CTNNA3: variants seen among roughly 807,000 people sequenced by gnomAD.
CTNNA3 encodes catenin alpha 3, also known as catenin alpha-3.
CTNNA3 carries 76 observed loss-of-function variants against 95.7 expected under a neutral mutation model. The ratio of observed to expected loss-of-function variants is 0.79; its 90% CI spans 0.66 to 0.96. The LOEUF is 0.96. Among genes scored for constraint, CTNNA3 ranks in the 40% least tolerant of loss-of-function variants. The pLI is 0.00. For missense variants in CTNNA3, 1,191 were observed against 1,089.8 expected (o/e 1.09, Z -1.31); for synonymous variants, 431 against 374.4 (o/e 1.15, Z -1.74).
chr10:66,434,855 G>C (rs1378285061), intron 11 of CTNNA3, among the ~76,000 whole-genome samples: 1 of 152,086 alleles, frequency 6.6e-6, no homozygotes, highest in Non-Finnish European at 1.5e-5. Context: ...TTAGCATGAA[G>C]GGGTGTTGAA....
chr10:66,889,594 G>A (rs10822936), intron 7 of CTNNA3, among the ~76,000 whole-genome samples: 46,736 of 152,046 alleles, frequency 0.31, 8,678 homozygotes, highest in East Asian at 0.5. Context: ...GATTGTATGT[G>A]TAGGGTAGCA....
intron 11 of CTNNA3, among the ~76,000 whole-genome samples, chr10:66,439,983 A>G (rs10400123): frequency 6.6e-6 from 1 of 151,960 alleles, no homozygotes; most frequent in African/African-American, 2.4e-5. Context: ...ATGAATGTGT[A>G]ATTGAATATC....
chr10:66,942,543 A>G lies in CTNNA3; in HGVS notation c.1048-167019T>C, dbSNP rs546108126. Among the ~76,000 whole-genome samples the G allele has an allele frequency of 7.9e-3, 1,125 of 142,578 alleles. 19 individuals carry two copies. Among genetic ancestry groups the G allele is most frequent in the African/African-American group, 0.03 (1,074 of 36,368 alleles). The allele number at this position is 142,578 out of a possible 152,430, so 93.5% of individuals were successfully genotyped here. A position where few individuals can be genotyped will look rare whatever the true frequency, so the allele number is the denominator to read the frequency against. On this transcript the variant is annotated intron_variant, in intron 7 of 17. Coordinates refer to ENST00000433211, the MANE Select transcript of CTNNA3 (RefSeq NM_013266.4). ...ACAAATCTCTCTTTAAAACATTGCCATAATGTCTCTCTCTCTCTCTCTCTC... is the reference window on the plus strand; with the variant it reads ...ACAAATCTCTCTTTAAAACATTGCCGTAATGTCTCTCTCTCTCTCTCTCTC...
chr10:67,406,785 G>C (rs1173553153), intron 5 of CTNNA3, among the ~76,000 whole-genome samples: 1 of 152,030 alleles, frequency 6.6e-6, no homozygotes, highest in African/African-American at 2.4e-5. Context: ...AGAATGTTAT[G>C]AACACCTCTA....
chr10:67,484,921 G>T (rs1848386037), intron 5 of CTNNA3, among the ~76,000 whole-genome samples: 1 of 152,178 alleles, frequency 6.6e-6, no homozygotes, highest in Admixed American at 6.5e-5. Flanking sequence ...ATTTCTGAAA[G>T]AACTTAAAAC....
chr10:66,154,417 A>G (rs887820539), intron 13 of CTNNA3, among the ~76,000 whole-genome samples: 7 of 151,700 alleles, frequency 4.6e-5, no homozygotes, highest in African/African-American at 1.5e-4. Context: ...TTACTTATAT[A>G]GCACATTCAC....
chr10:66,560,275 C>T (rs1223398419), intron 10 of CTNNA3, among the ~76,000 whole-genome samples: 4 of 150,614 alleles, frequency 2.7e-5, no homozygotes, highest in African/African-American at 7.5e-5. Context: ...GAAACGTGAG[C>T]GAATTTTATA....
intron 7 of CTNNA3, chr10:67,099,020 G>C (rs903906232): frequency 6.6e-6 from 1 of 151,768 alleles, no homozygotes; most frequent in South Asian, 2.1e-4. Flanking sequence ...ATATAGATAT[G>C]AGCCATGGTG....
chr10:66,757,803 G>A (rs1430531112), intron 9 of CTNNA3, among the ~76,000 whole-genome samples: 1 of 152,004 alleles, frequency 6.6e-6, no homozygotes. Flanking sequence ...TTTAATCTCT[G>A]GCATTGATAG....
intron 12 of CTNNA3, among the ~76,000 whole-genome samples, chr10:66,297,328 G>C (rs2091795581): frequency 1.3e-5 from 2 of 152,144 alleles, no homozygotes; most frequent in South Asian, 4.1e-4. Flanking sequence ...TAAATGCTGA[G>C]ACAGAATAAT....
chr10:67,607,976 T>A (rs1451727105), intron 2 of CTNNA3, among the ~76,000 whole-genome samples: 1 of 152,214 alleles, frequency 6.6e-6, no homozygotes, highest in Non-Finnish European at 1.5e-5. Context: ...TAAACAAATT[T>A]AAAAATGTAA....
chr10:66,663,735 G>C (rs1312220081), intron 9 of CTNNA3, among the ~76,000 whole-genome samples: 1 of 152,118 alleles, frequency 6.6e-6, no homozygotes, highest in Non-Finnish European at 1.5e-5. Flanking sequence ...TCAGAGTTCA[G>C]TTCTGTACAC....
intron 10 of CTNNA3, among the ~76,000 whole-genome samples, chr10:66,558,660 C>T (rs1241830639): frequency 6.6e-6 from 1 of 151,958 alleles, no homozygotes; most frequent in African/African-American, 2.4e-5. Context: ...TGATTTGTGT[C>T]TATTTCATTA....
chr10:67,515,797 C>A (rs1295214127), intron 5 of CTNNA3, among the ~76,000 whole-genome samples: 1 of 152,170 alleles, frequency 6.6e-6, no homozygotes, highest in East Asian at 1.9e-4. Context: ...AATTAACATA[C>A]TTCATCTTAC....
At chr10:67,209,198 G>A (rs566168149) in intron 6 of CTNNA3, among the ~76,000 whole-genome samples, 4 of 152,082 alleles carry the variant, frequency 2.6e-5, no homozygotes, top group East Asian at 1.9e-4. Flanking sequence ...ACAGGCACAC[G>A]CCACCGTGTC....
intron 5 of CTNNA3, among the ~76,000 whole-genome samples, chr10:67,269,467 G>A (rs372321186): frequency 6.6e-5 from 10 of 152,184 alleles, no homozygotes; most frequent in Admixed American, 2.6e-4. Context: ...TCAATATTTT[G>A]TGAAGGTGTT....
chr10:66,064,060 ACTC>A (rs1385741211), intron 15 of CTNNA3, among the ~76,000 whole-genome samples: 52 of 152,234 alleles, frequency 3.4e-4, no homozygotes, highest in African/African-American at 1.2e-3. Flanking sequence ...GGTTTAATTG[ACTC>A]ACAGTTCCGC....
intron 7 of CTNNA3, among the ~76,000 whole-genome samples, chr10:66,870,764 T>C (rs1692122166): frequency 6.6e-6 from 1 of 152,218 alleles, no homozygotes; most frequent in East Asian, 1.9e-4. Flanking sequence ...TTATTGTAAA[T>C]GTGCAGTTCA....
intron 3 of CTNNA3, among the ~76,000 whole-genome samples, chr10:67,551,768 C>T (rs1841042119): frequency 6.6e-6 from 1 of 152,166 alleles, no homozygotes; most frequent in Non-Finnish European, 1.5e-5. Context: ...GAACTTTTCC[C>T]GTTTCACTAT....
Sources: gnomAD v4.1 joint callset for allele counts (sites outside exome capture counted in the v4.1 genomes callset) on GRCh38, gnomAD v4.1.1 for gene constraint, MANE v1.5 for transcripts, NCBI Gene and HGNC (gene_info 2026-07-23, HGNC 2026-07-21) for gene names.